GBE1: variants seen among roughly 807,000 people sequenced by gnomAD.
The protein encoded by GBE1 is 1,4-alpha-glucan-branching enzyme.
Under a neutral mutation model 88.8 loss-of-function variants are expected in GBE1, and 70 were observed. The ratio of observed to expected loss-of-function variants is 0.79; its 90% CI spans 0.65 to 0.96. GBE1 has a LOEUF of 0.96. Among genes scored for constraint, GBE1 ranks in the 40% least tolerant of loss-of-function variants. The probability of loss-of-function intolerance (pLI) is 0.00; values close to 1 mark genes in which losing one functional copy is unlikely to be tolerated. For missense variants in GBE1, 872 were observed against 871.0 expected, an observed-to-expected ratio of 1.00 and a Z score of -0.01; for synonymous variants, 284 against 300.1, an observed-to-expected ratio of 0.95 and a Z score of 0.56.
intron 4 of GBE1, among the ~76,000 whole-genome samples, 168 bp downstream of exon 4, chr3:81,649,628 G>C (rs1704816491): frequency 6.6e-6 from 1 of 152,026 alleles, no homozygotes; most frequent in Non-Finnish European, 1.5e-5. Flanking sequence ...ACTGGCTACA[G>C]AAGACAGACT....
chr3:81,639,158 G>C (rs534221175), intron 7 of GBE1, among the ~76,000 whole-genome samples: 1 of 152,214 alleles, frequency 6.6e-6, no homozygotes, highest in East Asian at 1.9e-4. Context: ...TATGAAGAGG[G>C]TGAAAGTGAA....
chr3:81,556,657 TG>T (rs1201099825), intron 12 of GBE1, among the ~76,000 whole-genome samples: 1 of 152,090 alleles, frequency 6.6e-6, no homozygotes, highest in Non-Finnish European at 1.5e-5. Flanking sequence ...TTAGGAATGG[TG>T]GGAGCACAGG....
intron 7 of GBE1, among the ~76,000 whole-genome samples, chr3:81,596,861 G>T (rs1703963412): frequency 6.6e-6 from 1 of 151,914 alleles, no homozygotes; most frequent in Admixed American, 6.6e-5. Context: ...CTGAATCTAA[G>T]ATTTGTCTTT....
intron 12 of GBE1, among the ~76,000 whole-genome samples, chr3:81,551,876 C>T (rs923635721): frequency 3.9e-5 from 6 of 152,096 alleles, no homozygotes; most frequent in Non-Finnish European, 8.8e-5. Flanking sequence ...CTAATCATGC[C>T]ATGGTGACAA....
rs149312941 is a variant in GBE1 at position 81,713,134 on chromosome 3, C to G, written c.144-7521G>C. Among the ~76,000 whole-genome samples, 110 of 152,308 alleles carry G rather than the reference C, an allele frequency of 7.2e-4. No homozygotes were observed. In the Middle Eastern group the frequency reaches 0.017, roughly 24 times the overall value. On this transcript the variant is annotated intron_variant, in intron 1 of 15. Coordinates refer to ENST00000429644, the MANE Select transcript of GBE1 (RefSeq NM_000158.4). The stretch of plus-strand genomic sequence containing the variant: ...ATGGGAAACAATGTCCAACTCATGA[C>G]AGGACAGGCCTGAGATAAGCAAGTG...
intron 14 of GBE1, among the ~76,000 whole-genome samples, chr3:81,531,541 T>G (rs1287114544): frequency 6.6e-6 from 1 of 152,054 alleles, no homozygotes; most frequent in South Asian, 2.1e-4. Context: ...CGTCATTAAT[T>G]AAAGAATCCT....
intron 14 of GBE1, among the ~76,000 whole-genome samples, chr3:81,532,067 T>G (rs1383164294): frequency 1.3e-5 from 2 of 151,966 alleles, no homozygotes; most frequent in African/African-American, 4.8e-5. Context: ...GATTCTCTTC[T>G]TCCATGTGCC....
intron 6 of GBE1, among the ~76,000 whole-genome samples, chr3:81,643,566 G>A (rs140888383): frequency 6.6e-6 from 1 of 152,192 alleles, no homozygotes; most frequent in East Asian, 1.9e-4. Context: ...GAATGAAATA[G>A]GTAACAAAAA....
chr3:81,649,670 T>G, intron 4 of GBE1, 126 bp downstream of exon 4: 2 of 676,182 alleles, frequency 3.0e-6, no homozygotes, highest in Non-Finnish European at 4.9e-6. Context: ...AGGAATACTA[T>G]GATGTAAAAT....
intron 9 of GBE1, among the ~76,000 whole-genome samples, chr3:81,587,160 G>T (rs893521149): frequency 1.3e-5 from 2 of 151,818 alleles, no homozygotes; most frequent in Non-Finnish European, 2.9e-5. Context: ...TTGACAGGGG[G>T]TCCTTTCTAC....
chr3:81,715,693 G>C (rs1705928620), intron 1 of GBE1, among the ~76,000 whole-genome samples: 1 of 152,040 alleles, frequency 6.6e-6, no homozygotes, highest in Non-Finnish European at 1.5e-5. Flanking sequence ...ATTAGCAACT[G>C]ACCTTCAATT....
intron 7 of GBE1, among the ~76,000 whole-genome samples, chr3:81,630,351 C>T (rs959039191): frequency 3.9e-5 from 6 of 152,020 alleles, no homozygotes; most frequent in Non-Finnish European, 5.9e-5. Flanking sequence ...CATCAAGCTA[C>T]CAATGACTTC....
chr3:81,605,063 C>T (rs1704086397), intron 7 of GBE1, among the ~76,000 whole-genome samples: 1 of 151,818 alleles, frequency 6.6e-6, no homozygotes, highest in African/African-American at 2.4e-5. Context: ...AATGTATGGC[C>T]TACATTGGAA....
rs1186989816 is a variant in GBE1 at position 81,593,992 on chromosome 3, T to C, written c.1024A>G (p.Ile342Val). Residue 342 changes from isoleucine (I) to valine (V), a missense_variant, in exon 8 of 16, where the codon ATA (isoleucine) becomes GTA (valine). By Grantham distance (29) the Ile-to-Val change is conservative. Transcript: ENST00000429644. ...CGATATTCTTCCAACCACCATCTTA[T>C]GTTTGACAGAAGGAATCTTAAAATT... ...WEILRFLLSN[I>V]RWWLEEYRFD... is the part of the protein sequence containing the mutation. 19 of 1,576,638 alleles carry C rather than the reference T, an allele frequency of 1.2e-5. No individual in the cohort carries two copies. Among genetic ancestry groups the C allele is most frequent in the Middle Eastern group, 3.3e-4 (2 of 6,024 alleles).
chr3:81,529,465 C>A (rs2106860849), intron 14 of GBE1, among the ~76,000 whole-genome samples: 1 of 152,140 alleles, frequency 6.6e-6, no homozygotes, highest in South Asian at 2.1e-4. Context: ...AACTGAAGTA[C>A]TCCCTTTAGC....
At chr3:81,638,079 CATGGTTAAGAAGTCCCAAATATTATAT>C (rs1196615792) in intron 7 of GBE1, among the ~76,000 whole-genome samples, 1 of 152,032 alleles carries the variant, frequency 6.6e-6, no homozygotes, top group Non-Finnish European at 1.5e-5. Context: ...AAATGCCCAC[CATGGTTAAGAAGTCCCAAATATTATAT>C]ATAGTGTCTA....
At chr3:81,549,980 G>A (rs1703252043) in intron 12 of GBE1, among the ~76,000 whole-genome samples, 2 of 151,396 alleles carry the variant, frequency 1.3e-5, no homozygotes, top group African/African-American at 4.8e-5. Flanking sequence ...AAACCAACCA[G>A]TGATCTCTGG....
intron 3 of GBE1, among the ~76,000 whole-genome samples, chr3:81,660,826 AAATGTAAATGTTT>A (rs1448321032): frequency 1.3e-5 from 2 of 152,230 alleles, no homozygotes; most frequent in African/African-American, 4.8e-5. Context: ...AACCCAGCTT[AAATGTAAATGTTT>A]AAATCATGAA....
At chr3:81,503,490 G>A (rs747444688) in intron 14 of GBE1, among the ~76,000 whole-genome samples, 5 of 152,140 alleles carry the variant, frequency 3.3e-5, no homozygotes, top group East Asian at 1.9e-4. Context: ...AGACTAAGTC[G>A]GGAAAAGCAG....
Sources: allele counts gnomAD v4.1 joint callset (sites outside exome capture counted in the v4.1 genomes callset), GRCh38; gene constraint gnomAD v4.1.1; transcripts MANE v1.5; gene names NCBI Gene and HGNC (gene_info 2026-07-23, HGNC 2026-07-21).